The following TRMT61B variants were observed in gnomAD, a reference collection of about 807,000 sequenced individuals.
TRMT61B encodes tRNA (adenine(58)-N(1))-methyltransferase, mitochondrial.
A neutral mutation model predicts 52.0 loss-of-function variants in TRMT61B; 56 were observed. That is an observed-to-expected ratio of 1.08 (90% CI 0.87 to 1.35). The LOEUF is 1.35. Ranked by LOEUF, TRMT61B falls within the 40% of genes most tolerant of loss-of-function variation. The probability of loss-of-function intolerance (pLI) is 0.00; values close to 1 mark genes in which losing one functional copy is unlikely to be tolerated. For missense variants in TRMT61B, 650 were observed against 577.9 expected (o/e 1.12, Z -1.28); for synonymous variants, 206 against 220.0 (o/e 0.94, Z 0.56).
rs763714701 is a variant in TRMT61B at position 28,865,037 on chromosome 2, C to T, written c.782G>A (p.Ser261Asn). ...LEAGSGSGGM[S>N]LFLSKAVGSQ... ...CTTACCTGCTTTGGATAAAAATAAGCTCATTCCACCAGAGCCTGAGCCAGC... is the reference window on the plus strand; with the variant it reads ...CTTACCTGCTTTGGATAAAAATAAGTTCATTCCACCAGAGCCTGAGCCAGC... The change falls in exon 2 of 7, where the codon AGC (serine) becomes AAC (asparagine). Residue 261 changes from serine (S) to asparagine (N), a missense_variant. Coordinates refer to ENST00000306108, the MANE Select transcript of TRMT61B (RefSeq NM_017910.4). 1.9e-6 allele frequency: 3 copies of T among 1,611,888 alleles called. No individual in the cohort carries two copies. Among genetic ancestry groups the T allele is most frequent in the African/African-American group, 1.3e-5 (1 of 74,906 alleles).
chr2:28,850,683 C>T, intron 5 of TRMT61B: 1 of 351,670 alleles, frequency 2.8e-6, no homozygotes, highest in East Asian at 5.2e-5. Context: ...GTATATATGA[C>T]AAAGACCTAA....
intron 5 of TRMT61B, 26 bp downstream of exon 5, chr2:28,851,046 A>T: frequency 6.8e-7 from 1 of 1,472,038 alleles, no homozygotes; most frequent in Non-Finnish European, 9.3e-7. Context: ...TCATTACTGC[A>T]TGCATAAAGT....
At chr2:28,865,550 T>C (rs925493660) in intron 1 of TRMT61B, among the ~76,000 whole-genome samples, 2 of 151,964 alleles carry the variant, frequency 1.3e-5, no homozygotes, top group Non-Finnish European at 2.9e-5. Flanking sequence ...TGAGGTGATA[T>C]AAATGGCATT....
chr2:28,850,425 G>T lies in TRMT61B; in HGVS notation c.1313-20C>A, dbSNP rs79621292. The stretch of plus-strand genomic sequence containing the variant: ...ATTCTTCTGTTGTAAAAAAATATAT[G>T]TACTATAAGCTACATAAAATATTTT... On this transcript the variant is annotated intron_variant, in intron 5 of 6. Transcript: ENST00000306108. The T allele has an allele frequency of 6.8e-7, 1 of 1,478,422 alleles. No homozygotes were observed. The highest frequency in any genetic ancestry group is 9.4e-7 in the Non-Finnish European group (1 of 1,067,218). 91.6% of individuals were successfully genotyped at this position (1,478,422 alleles called of 1,614,324 possible).
intron 3 of TRMT61B, among the ~76,000 whole-genome samples, chr2:28,858,794 C>CAAAAAA (rs1033258916): frequency 7.3e-3 from 168 of 23,132 alleles, no homozygotes; most frequent in African/African-American, 8.1e-3. Context: ...GACTCCGTCT[C>CAAAAAA]AAAAAAAAAA....
At chr2:28,862,352 A>G (rs1669643935) in intron 2 of TRMT61B, among the ~76,000 whole-genome samples, 2 of 39,028 alleles carry the variant, frequency 5.1e-5, no homozygotes, top group Non-Finnish European at 1.0e-4. Flanking sequence ...TTTTTTTTTG[A>G]GACAAGATCT....
At chr2:28,860,040 G>C (rs1414191937) in intron 3 of TRMT61B, among the ~76,000 whole-genome samples, 1 of 152,010 alleles carries the variant, frequency 6.6e-6, no homozygotes. Context: ...GGGAGACTGA[G>C]ATGGGCAGAT....
chr2:28,859,240 C>T (rs1341210605), intron 3 of TRMT61B, among the ~76,000 whole-genome samples: 2 of 152,036 alleles, frequency 1.3e-5, no homozygotes, highest in Non-Finnish European at 2.9e-5. Context: ...CCACCACGCC[C>T]GGCTAATTTT....
At position 28,869,676 on chromosome 2, in the gene TRMT61B, A is replaced by C; in HGVS notation, c.602T>G (p.Leu201Arg). The change falls in exon 1 of 7, where the codon CTG becomes CGG. Residue 201 changes from leucine to arginine, a missense_variant. Transcript: ENST00000306108. ...KIVGKFPGQILRSSFGKQYML... is the reference protein window; with the variant it reads ...KIVGKFPGQIRRSSFGKQYML... ...GTACTGCTTACCGAAGGAACTCCTC[A>C]GTATCTGGCCGGGGAACTTCCCCAC... 1.2e-6 allele frequency: 2 copies of C among 1,614,178 alleles called. No individual in the cohort carries two copies. Among genetic ancestry groups the C allele is most frequent in the Non-Finnish European group, 1.7e-6 (2 of 1,180,008 alleles).
intron 3 of TRMT61B, among the ~76,000 whole-genome samples, chr2:28,858,479 C>G (rs1302899255): frequency 6.6e-6 from 1 of 151,904 alleles, no homozygotes; most frequent in African/African-American, 2.4e-5. Context: ...CAGATCAGAT[C>G]TGGCCACCAG....
chr2:28,860,083 C>A (rs1028895207), intron 3 of TRMT61B, among the ~76,000 whole-genome samples: 1 of 151,552 alleles, frequency 6.6e-6, no homozygotes, highest in Admixed American at 6.6e-5. Flanking sequence ...ACCAGCCTGG[C>A]CAACATGGTG....
chr2:28,854,448 T>TA (rs563843097), intron 3 of TRMT61B, among the ~76,000 whole-genome samples: 9 of 151,078 alleles, frequency 6.0e-5, no homozygotes, highest in South Asian at 2.1e-4. Flanking sequence ...TTTATAAAAA[T>TA]AAAAAAAATG....
chr2:28,850,385 G>A lies in TRMT61B; in HGVS notation c.1333C>T (p.Pro445Ser). 2 of 1,606,420 alleles carry A rather than the reference G, an allele frequency of 1.2e-6. No homozygotes were observed. The highest frequency in any genetic ancestry group is 1.7e-6 in the Non-Finnish European group (2 of 1,175,998). ...GCAACATAGGGAAATGATCCATATG[G>A]AAAATCAGAATGCGATTCTTCTGTT... ...DDHEESHSDF[P>S]YGSFPYVARP... Residue 445 changes from proline to serine, a missense_variant, in exon 6 of 7, where the codon CCA (proline) becomes TCA (serine). Physicochemically the swap from Pro to Ser is moderately conservative, Grantham distance 74. Transcript: ENST00000306108.
chr2:28,868,492 T>A (rs1331714651), intron 1 of TRMT61B, among the ~76,000 whole-genome samples: 1 of 152,250 alleles, frequency 6.6e-6, no homozygotes, highest in East Asian at 1.9e-4. Flanking sequence ...GTTTGTTCTT[T>A]GTCACCCCTT....
Position 28,849,978 on chromosome 2 carries a change from C to T in TRMT61B, c.*221G>A, listed in dbSNP as rs753481746. 8 of 1,458,950 alleles carry T rather than the reference C, an allele frequency of 5.5e-6. No individual in the cohort carries two copies. The highest frequency in any genetic ancestry group is 4.6e-5 in the East Asian group (2 of 43,828). The allele number at this position is 1,458,950 out of a possible 1,614,324, so 90.4% of individuals were successfully genotyped here. ...TAAACCAATTTGGAATCATTAACTA[C>T]AAAATGTCAAACTAACTGCAAGACA... On this transcript the variant is annotated 3_prime_UTR_variant, in exon 7 of 7. Transcript: ENST00000306108.
Position 28,869,841 on chromosome 2 carries a change from G to T in TRMT61B, c.437C>A (p.Ser146Tyr). ...CCCAGCCTGAAAGGGTCTCTCTCTG[G>T]AAGTTGAACAAGAAGGGGAGACGTG... is the stretch of plus-strand genomic sequence containing the variant. ...ERHVSPSCST[S>Y]RERPFQAGEL... The change falls in exon 1 of 7, where the codon TCC becomes TAC. Residue 146 changes from serine (S) to tyrosine (Y), a missense_variant. By Grantham distance (144) the Ser-to-Tyr change is moderately radical (BLOSUM62 -2). Coordinates refer to ENST00000306108, the MANE Select transcript of TRMT61B (RefSeq NM_017910.4). 6.2e-7 allele frequency: 1 copy of T among 1,614,126 alleles called. No individual in the cohort carries two copies. The highest frequency in any genetic ancestry group is 1.1e-5 in the South Asian group (1 of 91,074).
At position 28,869,721 on chromosome 2, in the gene TRMT61B, G is replaced by A; in HGVS notation, c.557C>T (p.Ala186Val). The A allele has an allele frequency of 6.2e-7, 1 of 1,614,092 alleles. No individual in the cohort carries two copies. The highest frequency in any genetic ancestry group is 1.7e-5 in the Admixed American group (1 of 60,006). ...CCCCACGATCTTGCCGAACGGGACT[G>A]CCCCCCAGTTACTATTTAAGAGTCC... is the stretch of plus-strand genomic sequence containing the variant. ...NFGLLNSNWG[A>V]VPFGKIVGKF... The change falls in exon 1 of 7, where the codon GCA (alanine) becomes GTA (valine). Residue 186 changes from alanine to valine, a missense_variant. Physicochemically the swap from Ala to Val is moderately conservative, Grantham distance 64. Coordinates refer to ENST00000306108, the MANE Select transcript of TRMT61B (RefSeq NM_017910.4).
chr2:28,869,332 C>G (rs1169562076), intron 1 of TRMT61B, among the ~76,000 whole-genome samples: 2 of 152,068 alleles, frequency 1.3e-5, no homozygotes, highest in Admixed American at 6.6e-5. Flanking sequence ...GAAAGTTGAG[C>G]TATTATCCAC....
intron 4 of TRMT61B, among the ~76,000 whole-genome samples, chr2:28,851,524 T>C (rs1278032273): frequency 6.6e-6 from 1 of 152,210 alleles, no homozygotes; most frequent in Non-Finnish European, 1.5e-5. Context: ...TTTTAAAACA[T>C]TTCTTCCAGA....
Sources: allele counts gnomAD v4.1 joint callset (sites outside exome capture counted in the v4.1 genomes callset), GRCh38; gene constraint gnomAD v4.1.1; transcripts MANE v1.5; gene names NCBI Gene and HGNC (gene_info 2026-07-23, HGNC 2026-07-21).